The following BRME1 variants were observed in gnomAD, a reference collection of about 807,000 sequenced individuals.
The protein encoded by BRME1 is break repair meiotic recombinase recruitment factor 1, also known as BRCA2 and MEILB2-associating protein 1.
In BRME1, 31 loss-of-function variants were observed where a neutral mutation model predicts 52.6. The observed-to-expected ratio is 0.59, with a 90% CI of 0.44 to 0.80. The LOEUF (loss-of-function observed/expected upper bound fraction) is 0.80, where lower values mean the gene tolerates loss of function less well. Among genes scored for constraint, BRME1 ranks in the 30% least tolerant of loss-of-function variants. BRME1 has a pLI of 0.00. For missense variants in BRME1, 804 were observed against 860.3 expected (o/e 0.93, Z 0.82); for synonymous variants, 359 against 353.6 (o/e 1.02, Z -0.17).
intron 1 of BRME1, among the ~76,000 whole-genome samples, 178 bp downstream of exon 1, chr19:13,905,537 G>A (rs957897279): frequency 1.3e-5 from 2 of 151,748 alleles, no homozygotes; most frequent in Admixed American, 6.6e-5. Flanking sequence ...AGTCAGGTGC[G>A]GTGGCACACA....
At position 13,895,484 on chromosome 19, in the gene BRME1, G is replaced by A; in HGVS notation, c.94C>T (p.Pro32Ser). ...AAACAGCCCAACATGGAACTCTGGG[G>A]GTCCCCATAGAAGTCTCCTAGCCTT... is the stretch of plus-strand genomic sequence containing the variant. Reference protein sequence around the residue: ...NPRLGDFYGDPQSSMLGCLHH... With the variant: ...NPRLGDFYGDSQSSMLGCLHH... The change falls in exon 3 of 9, where the codon CCC becomes TCC. Residue 32 changes from proline to serine, a missense_variant. Physicochemically the swap from Pro to Ser is moderately conservative, Grantham distance 74. Coordinates refer to ENST00000586783, the MANE Select transcript of BRME1 (RefSeq NM_001345843.2). 3.1e-6 allele frequency: 5 copies of A among 1,614,062 alleles called. No individual in the cohort carries two copies. Among genetic ancestry groups the A allele is most frequent in the Non-Finnish European group, 4.2e-6 (5 of 1,179,992 alleles).
Position 13,902,702 on chromosome 19 carries a change from C to T in BRME1, c.31+2160G>A, listed in dbSNP as rs563886662. 2.2e-3 allele frequency among the ~76,000 whole-genome samples: 338 copies of T among 150,248 alleles called. 1 individual carries two copies. Among genetic ancestry groups the T allele is most frequent in the Non-Finnish European group, 4.0e-3 (270 of 67,608 alleles). Reference sequence around the variant, plus strand: ...TCCCCAGCACTTTGGGACACCAAGACGGGCAGATCACCTGAGGTTGGGAGT... The same window carrying T: ...TCCCCAGCACTTTGGGACACCAAGATGGGCAGATCACCTGAGGTTGGGAGT... On this transcript the variant is annotated intron_variant, in intron 2 of 8. Coordinates refer to ENST00000586783, the MANE Select transcript of BRME1 (RefSeq NM_001345843.2).
At chr19:13,884,732 G>A (rs1183311140) in intron 7 of BRME1, among the ~76,000 whole-genome samples, 1 of 152,078 alleles carries the variant, frequency 6.6e-6, no homozygotes, top group Non-Finnish European at 1.5e-5. Flanking sequence ...AGGTGGCCAG[G>A]CGGGTAAGTG....
chr19:13,882,707 G>A lies in BRME1; in HGVS notation c.*95C>T. 1 of 1,524,122 alleles carries A rather than the reference G, an allele frequency of 6.6e-7. No individual in the cohort carries two copies. The highest frequency in any genetic ancestry group is 1.2e-5 in the South Asian group (1 of 85,508). The allele number at this position is 1,524,122 out of a possible 1,614,324, so 94.4% of individuals were successfully genotyped here. A position where few individuals can be genotyped will look rare whatever the true frequency, so the allele number is the denominator to read the frequency against. ...CCAACTTCCGGGCAACTGAAGGGAG[G>A]TTTGTAGGGTCCACTAGGACCCCCT... On this transcript the variant is annotated 3_prime_UTR_variant, in exon 9 of 9. Coordinates refer to ENST00000586783, the MANE Select transcript of BRME1 (RefSeq NM_001345843.2).
intron 2 of BRME1, among the ~76,000 whole-genome samples, chr19:13,902,577 G>A (rs911971271): frequency 3.3e-5 from 5 of 149,846 alleles, no homozygotes; most frequent in African/African-American, 9.8e-5. Context: ...CAGAGGTTGC[G>A]GTGAGCCGAG....
intron 2 of BRME1, among the ~76,000 whole-genome samples, chr19:13,902,376 G>C (rs1377221839): frequency 6.6e-6 from 1 of 152,110 alleles, no homozygotes; most frequent in East Asian, 1.9e-4. Context: ...GCTCATGCCT[G>C]TAATCCCAGC....
chr19:13,890,125 C>T lies in BRME1; in HGVS notation c.731G>A (p.Gly244Glu). Residue 244 changes from glycine to glutamate, a missense_variant, in exon 6 of 9, where the codon GGG becomes GAG. Around this residue, in one of 3 missense-constraint regions of BRME1, gnomAD observed 552 missense variants for 561.1 expected, o/e 0.98. Coordinates refer to ENST00000586783, the MANE Select transcript of BRME1 (RefSeq NM_001345843.2). ...GGGGGCTCCTCTGTCTGGCTTCTCC[C>T]CTTCAGAATCAATGCTTGGTAGGTG... ...KEHLPSIDSEGEKPDRGAPQE... is the reference protein window; with the variant it reads ...KEHLPSIDSEEEKPDRGAPQE... 1 of 1,614,184 alleles carries T rather than the reference C, an allele frequency of 6.2e-7. No individual in the cohort carries two copies.
At position 13,882,569 on chromosome 19, in the gene BRME1, T is replaced by C. The variant is rs186193473; in HGVS notation, c.*233A>G. On this transcript the variant is annotated 3_prime_UTR_variant, in exon 9 of 9. Coordinates refer to ENST00000586783, the MANE Select transcript of BRME1 (RefSeq NM_001345843.2). ...GGAGCCCAGGCCCGCTTGAAGTCACTGGGGCTGTGGGAGACACAGTTTCCC... is the reference window on the plus strand; with the variant it reads ...GGAGCCCAGGCCCGCTTGAAGTCACCGGGGCTGTGGGAGACACAGTTTCCC... 324 of 573,524 alleles carry C rather than the reference T, an allele frequency of 5.6e-4. No homozygotes were observed. The highest frequency in any genetic ancestry group is 6.4e-4 in the Non-Finnish European group (211 of 329,690). 35.5% of individuals were successfully genotyped at this position (573,524 alleles called of 1,614,324 possible). A position where few individuals can be genotyped will look rare whatever the true frequency, so the allele number is the denominator to read the frequency against.
intron 7 of BRME1, chr19:13,885,613 C>T (rs1345160827): frequency 1.7e-5 from 4 of 231,608 alleles, no homozygotes; most frequent in African/African-American, 9.2e-5. Flanking sequence ...CAGTTCTGAG[C>T]CCTGTCTGGG....
At position 13,883,701 on chromosome 19, in the gene BRME1, T is replaced by G; in HGVS notation, c.1764-301A>C. 2.9e-6 allele frequency: 1 copy of G among 341,180 alleles called. No individual in the cohort carries two copies. The allele number at this position is 341,180 out of a possible 1,614,324, so 21.1% of individuals were successfully genotyped here. The stretch of plus-strand genomic sequence containing the variant: ...ACTGGGGGCTGTGAACTTGGAAACC[T>G]AGCTCAGAGGCAAGCCCTCTCCTCC... On this transcript the variant is annotated intron_variant, in intron 7 of 8. Coordinates refer to ENST00000586783, the MANE Select transcript of BRME1 (RefSeq NM_001345843.2). This position sits in a 1 kb window ranked among gnomAD's most constrained non-coding sequence, Gnocchi z 4.2.
At chr19:13,901,461 G>A (rs528765531) in intron 2 of BRME1, among the ~76,000 whole-genome samples, 1 of 151,582 alleles carries the variant, frequency 6.6e-6, no homozygotes, top group South Asian at 2.1e-4. Context: ...ATCTTTGGGA[G>A]GCTGAGGCAG....
chr19:13,882,793 CA>C lies in BRME1; in HGVS notation c.*8del. The C allele has an allele frequency of 1.2e-6, 2 of 1,613,584 alleles. No individual in the cohort carries two copies. Among genetic ancestry groups the C allele is most frequent in the Non-Finnish European group, 8.5e-7 (1 of 1,179,862 alleles). ...TGGGTGGCAAAGGAAACACAGACCTCAAAGTGGCCTACAACTCCCTCCAGGG... is the reference window on the plus strand; with the variant it reads ...TGGGTGGCAAAGGAAACACAGACCTCAAGTGGCCTACAACTCCCTCCAGGG... On this transcript the variant is annotated 3_prime_UTR_variant, in exon 9 of 9. Coordinates refer to ENST00000586783, the MANE Select transcript of BRME1 (RefSeq NM_001345843.2).
intron 2 of BRME1, among the ~76,000 whole-genome samples, chr19:13,899,040 CTCTT>C (rs1192160947): frequency 6.6e-6 from 1 of 151,920 alleles, no homozygotes; most frequent in East Asian, 1.9e-4. Context: ...GAATGAGTCT[CTCTT>C]TCCTCGACGC....
intron 2 of BRME1, among the ~76,000 whole-genome samples, chr19:13,898,869 G>C (rs1324296793): frequency 1.4e-5 from 2 of 145,756 alleles, no homozygotes; most frequent in African/African-American, 5.1e-5. Context: ...GTTGCAGTGA[G>C]CCGATATCGC....
At position 13,888,237 on chromosome 19, in the gene BRME1, C is replaced by T. The variant is rs1469502147; in HGVS notation, c.1668+951G>A. The T allele has an allele frequency of 6.6e-6, 1 of 150,870 alleles. No homozygotes were observed. The highest frequency in any genetic ancestry group is 2.4e-5 in the African/African-American group (1 of 40,896). 9.3% of individuals were successfully genotyped at this position (150,870 alleles called of 1,614,324 possible). On this transcript the variant is annotated intron_variant, in intron 6 of 8. Coordinates refer to ENST00000586783, the MANE Select transcript of BRME1 (RefSeq NM_001345843.2). This position sits in a 1 kb window ranked among gnomAD's most constrained non-coding sequence, Gnocchi z 4.1. ...TTTTTTTTTTTTTTTAACATCTCAA[C>T]ACAGGGACAGCCAAAGAAACAGAGG... is the stretch of plus-strand genomic sequence containing the variant.
intron 5 of BRME1, among the ~76,000 whole-genome samples, chr19:13,891,440 C>T (rs1182070253): frequency 1.3e-5 from 2 of 151,624 alleles, no homozygotes; most frequent in African/African-American, 2.4e-5. Flanking sequence ...TGAGCCACTG[C>T]GCCCAGCGGC....
rs1968704692 is a variant in BRME1, at chr19:13,882,508, A to C, written c.*294T>G. The stretch of plus-strand genomic sequence containing the variant: ...AGGACCCTAAAATTTGCAAATCCGG[A>C]CAGGATGGGCCCTGCTCAGAGGTGG... On this transcript the variant is annotated 3_prime_UTR_variant, in exon 9 of 9. Coordinates refer to ENST00000586783, the MANE Select transcript of BRME1 (RefSeq NM_001345843.2). The C allele has an allele frequency of 2.1e-6, 1 of 470,662 alleles. No homozygotes were observed. The highest frequency in any genetic ancestry group is 4.0e-5 in the Admixed American group (1 of 25,156). 29.2% of individuals were successfully genotyped at this position (470,662 alleles called of 1,614,324 possible).
In BRME1 at chr19:13,889,506, C is replaced by T. The variant is rs1266391322; in HGVS notation, c.1350G>A (p.Gln450=). The T allele has an allele frequency of 1.9e-6, 3 of 1,613,816 alleles. No individual in the cohort carries two copies. Among genetic ancestry groups the T allele is most frequent in the Non-Finnish European group, 2.5e-6 (3 of 1,180,040 alleles). Residue 450 remains glutamine, a synonymous_variant, in exon 6 of 9, where the codon CAG becomes CAA. Coordinates refer to ENST00000586783, the MANE Select transcript of BRME1 (RefSeq NM_001345843.2). Reference sequence around the variant, plus strand: ...CTTCCTCTTGAGCAGGACCTGGCTCCTGCTTCTGATTGACACATGGACCTG... The same window carrying T: ...CTTCCTCTTGAGCAGGACCTGGCTCTTGCTTCTGATTGACACATGGACCTG... ...PDTGPCVNQK[Q]EPGPAQEEAE... is the part of the protein sequence containing the mutation.
chr19:13,894,346 GAA>G (rs1438573979), intron 3 of BRME1, among the ~76,000 whole-genome samples: 1 of 152,114 alleles, frequency 6.6e-6, no homozygotes, highest in South Asian at 2.1e-4. Flanking sequence ...CCAACATGGT[GAA>G]ACCCCGTCTC....
Sources: allele counts gnomAD v4.1 joint callset (sites outside exome capture counted in the v4.1 genomes callset), GRCh38; gene constraint gnomAD v4.1.1; regional missense constraint gnomAD v4.1.1; non-coding constraint Gnocchi (gnomAD v3.1); transcripts MANE v1.5; gene names NCBI Gene and HGNC (gene_info 2026-07-23, HGNC 2026-07-21).